SYNE1: variants seen among roughly 807,000 people sequenced by gnomAD.
SYNE1 encodes spectrin repeat containing nuclear envelope protein 1.
SYNE1 carries 616 observed loss-of-function variants against 1,111.0 expected under a neutral mutation model. That is an observed-to-expected ratio of 0.55 (90% CI 0.52 to 0.59). The LOEUF is 0.59. Ranked by LOEUF, SYNE1 falls within the 20% of genes least tolerant of loss-of-function variation. SYNE1 has a pLI of 0.00. For synonymous variants in SYNE1, 3,855 were observed against 3,825.8 expected, an observed-to-expected ratio of 1.01 and a Z score of -0.28; for missense variants, 10,006 against 10,417.0, an observed-to-expected ratio of 0.96 and a Z score of 1.72.
intron 39 of SYNE1, among the ~76,000 whole-genome samples, chr6:152,420,123 G>C (rs142709973): frequency 1.3e-5 from 2 of 152,040 alleles, no homozygotes; most frequent in Non-Finnish European, 2.9e-5. Flanking sequence ...GTTTTTAATC[G>C]TGTCTTTAAC....
At chr6:152,266,601 T>C (rs1392716817) in intron 100 of SYNE1, among the ~76,000 whole-genome samples, 1 of 152,226 alleles carries the variant, frequency 6.6e-6, no homozygotes, top group Non-Finnish European at 1.5e-5. Context: ...TAGGGTTATT[T>C]AAAGTCAGTC....
intron 133 of SYNE1, among the ~76,000 whole-genome samples, chr6:152,152,993 T>TA (rs1366198605): frequency 6.6e-6 from 1 of 152,028 alleles, no homozygotes; most frequent in Non-Finnish European, 1.5e-5. Flanking sequence ...AATGAAGCTT[T>TA]AAAAAAAATC....
At chr6:152,378,377 G>A (rs1476318300) in intron 56 of SYNE1, among the ~76,000 whole-genome samples, 1 of 152,044 alleles carries the variant, frequency 6.6e-6, no homozygotes, top group Non-Finnish European at 1.5e-5. Flanking sequence ...CTGGTAAATG[G>A]CACCACTGTC....
At chr6:152,143,966 G>C (rs1586070700) in intron 137 of SYNE1, 1 of 700,678 alleles carries the variant, frequency 1.4e-6, no homozygotes, top group East Asian at 2.9e-5. Flanking sequence ...GTGCTTGACT[G>C]AGAGCCCTAG....
At chr6:152,603,288 C>A (rs1054202834) in intron 3 of SYNE1, among the ~76,000 whole-genome samples, 26 of 152,066 alleles carry the variant, frequency 1.7e-4, no homozygotes, top group Non-Finnish European at 2.9e-4. Context: ...TTGAGGGAGA[C>A]TTTTTTGGCC....
At chr6:152,356,920 C>G (rs913005295) in intron 66 of SYNE1, among the ~76,000 whole-genome samples, 1 of 152,156 alleles carries the variant, frequency 6.6e-6, no homozygotes, top group African/African-American at 2.4e-5. Flanking sequence ...TGACTTAGTT[C>G]TACACAAAAG....
rs2274142 is a variant in SYNE1, at chr6:152,231,240, G to A, written c.21039+151C>T. On this transcript the variant is annotated intron_variant, in intron 114 of 145. Transcript: ENST00000367255. ...AGAGAAAATCATCAACAGGTTAAAG[G>A]AAGTTTAGGGTGATTAACCTTCAGC... is the stretch of plus-strand genomic sequence containing the variant. 0.64 allele frequency: 477,881 copies of A among 749,164 alleles called. 154,759 individuals are homozygous for A. Among genetic ancestry groups the A allele is most frequent in the East Asian group, 0.76 (28,663 of 37,782 alleles). 46.4% of individuals were successfully genotyped at this position (749,164 alleles called of 1,614,324 possible).
intron 3 of SYNE1, among the ~76,000 whole-genome samples, chr6:152,602,217 A>C (rs2099597859): frequency 6.6e-6 from 1 of 152,168 alleles, no homozygotes. Context: ...GACCTTATTT[A>C]GAGATAAAAG....
At chr6:152,152,872 T>C (rs536160154) in intron 133 of SYNE1, among the ~76,000 whole-genome samples, 1 of 152,342 alleles carries the variant, frequency 6.6e-6, no homozygotes, top group South Asian at 2.1e-4. Context: ...AATTTACTTT[T>C]GAGGCTATCC....
rs1449517778 is a variant in SYNE1, at chr6:152,133,479, G to A, written c.25798C>T (p.His8600Tyr). ...DHHKQLMQIK[H>Y]ELLESQLRVA... ...CTGAGTTGGGATTCCAACAGCTCAT[G>A]CTTTATTTGCTATGCATACAAAAAC... Residue 8600 changes from histidine to tyrosine, a missense_variant, in exon 143 of 146, where the codon CAT (histidine) becomes TAT (tyrosine). Physicochemically the swap from His to Tyr is moderately conservative, Grantham distance 83 (BLOSUM62 2). Transcript: ENST00000367255. 4 of 1,614,008 alleles carry A rather than the reference G, an allele frequency of 2.5e-6. No homozygotes were observed. The highest frequency in any genetic ancestry group is 3.4e-6 in the Non-Finnish European group (4 of 1,180,026).
At position 152,352,057 on chromosome 6, in the gene SYNE1, A is replaced by G. The variant is rs765119478; in HGVS notation, c.11550T>C (p.Tyr3850=). 3.7e-6 allele frequency: 6 copies of G among 1,614,056 alleles called. No individual in the cohort carries two copies. Among genetic ancestry groups the G allele is most frequent in the African/African-American group, 2.7e-5 (2 of 74,940 alleles). ...ATTTAGATAACTGAGCTTTTTTCTC[A>G]TATAATTCCATTTTGGGTTCTTCAG... The part of the protein sequence containing the change: ...HVPEEPKMEL[Y]EKKAQLSKYK... The change falls in exon 70 of 146, where the codon TAT becomes TAC. Residue 3850 remains tyrosine (Y), a synonymous_variant. Transcript: ENST00000367255.
rs191146933 is a variant in SYNE1, at chr6:152,391,095, A to G, written c.8004+182T>C. ...AATTATTTAAAGCTATTAAAATAAC[A>G]TTTTCCTCTTACAAAGGGGAAAAAT... On this transcript the variant is annotated intron_variant, in intron 52 of 145. Coordinates refer to ENST00000367255, the MANE Select transcript of SYNE1 (RefSeq NM_182961.4). Among the ~76,000 whole-genome samples the G allele has an allele frequency of 5.9e-5, 9 of 152,230 alleles. No homozygotes were observed. In the East Asian group the frequency reaches 1.7e-3, roughly 29 times the overall value.
At chr6:152,249,649 G>A (rs2088518902) in intron 104 of SYNE1, among the ~76,000 whole-genome samples, 2 of 152,208 alleles carry the variant, frequency 1.3e-5, no homozygotes, top group South Asian at 4.2e-4. Context: ...GAAATAATAT[G>A]ATACTTAAGA....
rs2081454702 is a variant in SYNE1, at chr6:152,225,837, C to G, written c.21235G>C (p.Glu7079Gln). ...DLIKAKEKEV[E>Q]KIEQNGLALI... The stretch of plus-strand genomic sequence containing the variant: ...GCAAGTCCATTCTGCTCAATTTTCT[C>G]TACTTCTTTTTCTTTTGCTTTAATC... Residue 7079 changes from glutamate to glutamine, a missense_variant, in exon 116 of 146, where the codon GAG becomes CAG. Coordinates refer to ENST00000367255, the MANE Select transcript of SYNE1 (RefSeq NM_182961.4). 1.2e-6 allele frequency: 2 copies of G among 1,613,854 alleles called. No individual in the cohort carries two copies. The highest frequency in any genetic ancestry group is 1.7e-5 in the Admixed American group (1 of 60,012).
At chr6:152,284,228 A>T in intron 95 of SYNE1, 56 bp from the exon 96 acceptor site, 2 of 1,566,812 alleles carry the variant, frequency 1.3e-6, no homozygotes, top group South Asian at 2.3e-5. Flanking sequence ...CTGAGGGATC[A>T]TTAGCACTAG....
chr6:152,425,311 T>C lies in SYNE1; in HGVS notation c.5267+70A>G, dbSNP rs1034757324. The C allele has an allele frequency of 2.6e-6, 4 of 1,526,292 alleles. No homozygotes were observed. In the Admixed American group the frequency reaches 5.2e-5, roughly 20 times the overall value. 94.5% of individuals were successfully genotyped at this position (1,526,292 alleles called of 1,614,324 possible). A position where few individuals can be genotyped will look rare whatever the true frequency, so the allele number is the denominator to read the frequency against. On this transcript the variant is annotated intron_variant, in intron 39 of 145. Transcript: ENST00000367255. The stretch of plus-strand genomic sequence containing the variant: ...AAATAAAAGTAAACAAAACTATGCT[T>C]TCTTAATTTATATGCTCATCATTTA...
intron 104 of SYNE1, among the ~76,000 whole-genome samples, chr6:152,251,104 C>T (rs2089086068): frequency 6.6e-6 from 1 of 152,094 alleles, no homozygotes; most frequent in African/African-American, 2.4e-5. Flanking sequence ...CATGCACCAC[C>T]ACGTCTGGCT....
chr6:152,581,302 A>G (rs2099518450), intron 3 of SYNE1, among the ~76,000 whole-genome samples: 2 of 152,224 alleles, frequency 1.3e-5, no homozygotes, highest in South Asian at 4.1e-4. Context: ...GGGCTTCTCC[A>G]TCAGCCACAA....
chr6:152,146,265 C>T (rs2059499070), intron 137 of SYNE1: 1 of 152,400 alleles, frequency 6.6e-6, no homozygotes, highest in Non-Finnish European at 1.5e-5. Context: ...AGCGCTGTCC[C>T]ATATATTTCT....
Sources: gnomAD v4.1 joint callset for allele counts (sites outside exome capture counted in the v4.1 genomes callset) on GRCh38, gnomAD v4.1.1 for gene constraint, MANE v1.5 for transcripts, NCBI Gene and HGNC (gene_info 2026-07-23, HGNC 2026-07-21) for gene names.